ADAM18: variants seen among roughly 807,000 people sequenced by gnomAD.
ADAM18 encodes the protein disintegrin and metalloproteinase domain-containing protein 18.
Under a neutral mutation model 94.4 loss-of-function variants are expected in ADAM18, and 117 were observed. That is an observed-to-expected ratio of 1.24 (90% CI 1.07 to 1.45). The LOEUF (loss-of-function observed/expected upper bound fraction) is 1.45, where lower values mean the gene tolerates loss of function less well. Among genes scored for constraint, ADAM18 ranks in the 40% most tolerant of loss-of-function variants. The pLI is 0.00. For synonymous variants in ADAM18, 327 were observed against 291.6 expected (o/e 1.12, Z -1.24); for missense variants, 936 against 880.0 (o/e 1.06, Z -0.81).
intron 7 of ADAM18, among the ~76,000 whole-genome samples, chr8:39,634,065 C>G (rs1334106584): frequency 3.9e-5 from 6 of 152,120 alleles, no homozygotes; most frequent in Non-Finnish European, 1.5e-5. Context: ...AAGAGAGAAG[C>G]CAGAATGCTT....
chr8:39,648,427 T>G lies in ADAM18; in HGVS notation c.1130T>G (p.Leu377Arg). The G allele has an allele frequency of 6.2e-7, 1 of 1,613,006 alleles. No homozygotes were observed. Among genetic ancestry groups the G allele is most frequent in the Middle Eastern group, 1.7e-4 (1 of 6,052 alleles). Residue 377 changes from leucine (L) to arginine (R), a missense_variant, in exon 12 of 20, where the codon CTT becomes CGT. By Grantham distance (102) the Leu-to-Arg change is moderately radical. Coordinates refer to ENST00000265707, the MANE Select transcript of ADAM18 (RefSeq NM_014237.3). ...YFVSKFETKC[L>R]QKLSNLQPLH... ...GTTTCAAAATTTGAGACTAAATGCC[T>G]TCAGAAGCTTTCAAATTTGCAACCA...
chr8:39,659,482 A>G (rs960040258), intron 12 of ADAM18, among the ~76,000 whole-genome samples: 10 of 152,162 alleles, frequency 6.6e-5, no homozygotes, highest in Non-Finnish European at 1.5e-4. Flanking sequence ...ATTACTAAAA[A>G]TGTAAAAACT....
chr8:39,727,771 C>A (rs1286187574), intron 19 of ADAM18, among the ~76,000 whole-genome samples: 2 of 152,150 alleles, frequency 1.3e-5, no homozygotes, highest in Non-Finnish European at 2.9e-5. Flanking sequence ...CCGAACTCTC[C>A]CAACCCATTA....
intron 14 of ADAM18, among the ~76,000 whole-genome samples, chr8:39,674,620 A>C (rs1159706147): frequency 1.3e-5 from 2 of 152,182 alleles, no homozygotes; most frequent in African/African-American, 4.8e-5. Flanking sequence ...TAGCCCATTT[A>C]CATTTAAGGT....
At position 39,688,659 on chromosome 8, in the gene ADAM18, G is replaced by A. The variant is rs922985016; in HGVS notation, c.1822-3941G>A. ...TGATGGGCATTTAAGTTGATGCCAT[G>A]TCTTTGTTATTGTGAAGAGTGCTGC... On this transcript the variant is annotated intron_variant, in intron 16 of 19. Transcript: ENST00000265707. Among the ~76,000 whole-genome samples the A allele has an allele frequency of 2.0e-5, 3 of 152,240 alleles. 1 individual carries two copies. Among genetic ancestry groups the A allele is most frequent in the Middle Eastern group, 6.8e-3 (2 of 294 alleles).
At chr8:39,636,103 C>T (rs1055204376) in intron 7 of ADAM18, among the ~76,000 whole-genome samples, 6 of 151,052 alleles carry the variant, frequency 4.0e-5, no homozygotes, top group Non-Finnish European at 7.4e-5. Flanking sequence ...ACCGCAATCT[C>T]GAACTTCTGG....
At chr8:39,697,584 A>G (rs769807380) in intron 17 of ADAM18, among the ~76,000 whole-genome samples, 1 of 151,760 alleles carries the variant, frequency 6.6e-6, no homozygotes, top group Admixed American at 6.6e-5. Context: ...TACAGTCAAC[A>G]TTTATTTATT....
At chr8:39,601,139 A>G (rs1430319918) in intron 2 of ADAM18, among the ~76,000 whole-genome samples, 2 of 152,212 alleles carry the variant, frequency 1.3e-5, no homozygotes, top group Non-Finnish European at 2.9e-5. Flanking sequence ...TAACTATCAC[A>G]AGAACAGCAC....
At chr8:39,590,255 A>G (rs1488756067) in intron 2 of ADAM18, among the ~76,000 whole-genome samples, 2 of 152,234 alleles carry the variant, frequency 1.3e-5, no homozygotes, top group South Asian at 2.1e-4. Context: ...CTATGCAGCC[A>G]TAAAAAATGA....
intron 18 of ADAM18, among the ~76,000 whole-genome samples, chr8:39,712,441 A>C (rs2129581499): frequency 6.6e-6 from 1 of 152,356 alleles, no homozygotes; most frequent in East Asian, 1.9e-4. Context: ...AGTTCTGGTC[A>C]GGGCAATCAG....
In ADAM18 at chr8:39,706,996, A is replaced by G. The variant is rs188030789; in HGVS notation, c.2017+92A>G. The G allele has an allele frequency of 1.3e-3, 873 of 698,236 alleles. 3 individuals carry two copies. The highest frequency in any genetic ancestry group is 2.5e-3 in the Middle Eastern group (6 of 2,390). 43.3% of individuals were successfully genotyped at this position (698,236 alleles called of 1,614,324 possible). ...CTAAGTCATCTTGAATGGTAGCTTC[A>G]TCTACATTGCAGCAGTCCCTCCTTA... On this transcript the variant is annotated intron_variant, in intron 18 of 19. Coordinates refer to ENST00000265707, the MANE Select transcript of ADAM18 (RefSeq NM_014237.3).
intron 6 of ADAM18, among the ~76,000 whole-genome samples, chr8:39,619,407 A>G (rs908634576): frequency 3.9e-5 from 6 of 152,254 alleles, no homozygotes; most frequent in African/African-American, 1.4e-4. Context: ...AGGATAAGTC[A>G]TATTCTGTGA....
chr8:39,631,822 G>A (rs981610049), intron 7 of ADAM18, among the ~76,000 whole-genome samples: 15 of 151,998 alleles, frequency 9.9e-5, no homozygotes, highest in East Asian at 5.8e-4. Context: ...CCTCACATTC[G>A]TCTTTACATT....
At chr8:39,607,587 T>G (rs531564742) in intron 3 of ADAM18, among the ~76,000 whole-genome samples, 1 of 152,244 alleles carries the variant, frequency 6.6e-6, no homozygotes, top group African/African-American at 2.4e-5. Flanking sequence ...TCTTAACCAG[T>G]TGGCAGCATT....
chr8:39,697,293 G>C (rs7005051), intron 17 of ADAM18, among the ~76,000 whole-genome samples: 2,999 of 151,558 alleles, frequency 0.02, 95 homozygotes, highest in African/African-American at 0.069. Flanking sequence ...CTACATATAA[G>C]ACTACATTAT....
intron 12 of ADAM18, among the ~76,000 whole-genome samples, chr8:39,651,722 T>A (rs1017293835): frequency 1.3e-5 from 2 of 152,194 alleles, no homozygotes; most frequent in African/African-American, 4.8e-5. Flanking sequence ...TCTTTCTACA[T>A]AGACACAGTA....
intron 17 of ADAM18, among the ~76,000 whole-genome samples, chr8:39,696,020 A>G (rs1331742841): frequency 1.3e-5 from 2 of 151,448 alleles, no homozygotes; most frequent in Admixed American, 6.6e-5. Context: ...TCAACAATGC[A>G]AGCACAGGGG....
intron 2 of ADAM18, among the ~76,000 whole-genome samples, chr8:39,600,801 C>T (rs1436021212): frequency 1.3e-5 from 2 of 152,172 alleles, no homozygotes; most frequent in African/African-American, 4.8e-5. Context: ...GGGGTATAAA[C>T]ATGACTGGGG....
intron 4 of ADAM18, among the ~76,000 whole-genome samples, 167 bp downstream of exon 4, chr8:39,609,287 T>G (rs1408777576): frequency 2.0e-5 from 3 of 152,174 alleles, no homozygotes; most frequent in African/African-American, 7.2e-5. Flanking sequence ...TGCAAGCGAA[T>G]ACTCACAGGG....
Sources: gnomAD v4.1 joint callset for allele counts (sites outside exome capture counted in the v4.1 genomes callset) on GRCh38, gnomAD v4.1.1 for gene constraint, MANE v1.5 for transcripts, NCBI Gene and HGNC (gene_info 2026-07-23, HGNC 2026-07-21) for gene names.